The following FRMPD4 variants were observed in gnomAD, a reference collection of about 807,000 sequenced individuals.
FRMPD4 encodes the protein FERM and PDZ domain containing 4.
In FRMPD4, 22 loss-of-function variants were observed where a neutral mutation model predicts 94.1. That is an observed-to-expected ratio of 0.23 (90% CI 0.17 to 0.33). The LOEUF is 0.33. Ranked by LOEUF, FRMPD4 falls within the 10% of genes least tolerant of loss-of-function variation. The pLI, the probability that FRMPD4 is intolerant of heterozygous loss-of-function variation, is 1.00. For synonymous variants in FRMPD4, 631 were observed against 548.6 expected, an observed-to-expected ratio of 1.15 and a Z score of -2.10; for missense variants, 1,111 against 1,339.9, an observed-to-expected ratio of 0.83 and a Z score of 2.67.
At chrX:12,017,281 A>G (rs1400840963) in intron 3 of FRMPD4, among the ~76,000 whole-genome samples, 1 of 112,207 alleles carries the variant, frequency 8.9e-6, no homozygotes, top group Admixed American at 9.5e-5. Context: ...GGGACTGTTC[A>G]GGACATTTAT....
At chrX:12,220,807 A>G (rs886234411) in intron 1 of FRMPD4, among the ~76,000 whole-genome samples, 5 of 112,384 alleles carry the variant, frequency 4.4e-5, no homozygotes, top group Middle Eastern at 4.6e-3. Context: ...TTCTAACTTA[A>G]TCTTTTTCTG....
intron 3 of FRMPD4, among the ~76,000 whole-genome samples, chrX:12,133,242 T>A (rs1200395611): frequency 9.2e-6 from 1 of 108,739 alleles, no homozygotes; most frequent in Admixed American, 1.0e-4. Flanking sequence ...TATTTTATTT[T>A]ATTTTATTTT....
At chrX:12,663,933 T>G (rs916025727) in intron 4 of FRMPD4, among the ~76,000 whole-genome samples, 1 of 111,730 alleles carries the variant, frequency 9.0e-6, no homozygotes, top group African/African-American at 3.3e-5. Flanking sequence ...TTGTAAGTTG[T>G]ATTCCTAGGT....
At chrX:12,261,203 A>G (rs2054183523) in intron 1 of FRMPD4, among the ~76,000 whole-genome samples, 1 of 112,142 alleles carries the variant, frequency 8.9e-6, no homozygotes, top group Non-Finnish European at 1.9e-5. Context: ...ATCATAGATG[A>G]TAGCTCATCA....
intron 1 of FRMPD4, among the ~76,000 whole-genome samples, chrX:12,461,514 A>T (rs570882343): frequency 8.9e-6 from 1 of 111,969 alleles, no homozygotes; most frequent in Non-Finnish European, 1.9e-5. Flanking sequence ...GACGCCATCA[A>T]TGTCATAGTG....
intron 2 of FRMPD4, among the ~76,000 whole-genome samples, chrX:12,526,680 G>A (rs889287460): frequency 1.8e-5 from 2 of 112,300 alleles, no homozygotes; most frequent in African/African-American, 6.5e-5. Flanking sequence ...CATTAAAAGT[G>A]CCTTTGACAG....
At chrX:12,557,751 C>T (rs1421312507) in intron 2 of FRMPD4, among the ~76,000 whole-genome samples, 1 of 111,263 alleles carries the variant, frequency 9.0e-6, no homozygotes, top group Non-Finnish European at 1.9e-5. Flanking sequence ...GAATGCTGGA[C>T]CCCCCCTCCC....
At chrX:12,484,569 A>G (rs2057720568) in intron 1 of FRMPD4, among the ~76,000 whole-genome samples, 1 of 111,598 alleles carries the variant, frequency 9.0e-6, no homozygotes, top group Non-Finnish European at 1.9e-5. Context: ...TCATTTAGTT[A>G]CAGGTACAAT....
At chrX:12,219,902 G>C (rs2056845065) in intron 1 of FRMPD4, among the ~76,000 whole-genome samples, 1 of 112,128 alleles carries the variant, frequency 8.9e-6, no homozygotes, top group Non-Finnish European at 1.9e-5. Context: ...AGCACTTTGG[G>C]AGGCCAAGGC....
chrX:12,632,159 G>C (rs1057346964), intron 4 of FRMPD4, among the ~76,000 whole-genome samples: 2 of 112,002 alleles, frequency 1.8e-5, no homozygotes, highest in Non-Finnish European at 3.8e-5. Flanking sequence ...TAGTCTCCCT[G>C]CGTCCCCTTC....
At chrX:11,928,110 C>T (rs781298177) in intron 3 of FRMPD4, among the ~76,000 whole-genome samples, 27 of 112,281 alleles carry the variant, frequency 2.4e-4, no homozygotes, top group Admixed American at 2.0e-3. Context: ...AGACACTTTT[C>T]AAAAGAAGAC....
In FRMPD4 at chrX:11,973,562, G is replaced by GCT. The variant is rs2054351797; in HGVS notation, c.95+95550_95+95551dup. Among the ~76,000 whole-genome samples, 3 of 112,015 alleles carry GCT rather than the reference G, an allele frequency of 2.7e-5. No individual in the cohort carries two copies. The South Asian group carries it at 1.1e-3, about 41-fold the overall frequency. On this transcript the variant is annotated intron_variant, in intron 3 of 18. Coordinates refer to the FRMPD4 transcript ENST00000640291. ...TAGCTGCAAAAGTTTGAGAATCACT[G>GCT]CTCTCTCAGGAGCATATCTGGATAA... is the stretch of plus-strand genomic sequence containing the variant.
At chrX:12,230,663 G>T (rs758864886) in intron 1 of FRMPD4, among the ~76,000 whole-genome samples, 1 of 107,906 alleles carries the variant, frequency 9.3e-6, no homozygotes, top group East Asian at 2.9e-4. Flanking sequence ...CCAGGGAGAG[G>T]CCTGCATGGT....
chrX:12,350,577 A>G (rs1038387977), intron 1 of FRMPD4, among the ~76,000 whole-genome samples: 43 of 112,258 alleles, frequency 3.8e-4, no homozygotes, highest in African/African-American at 1.2e-3. Context: ...TATTTAATTA[A>G]ATTTTCAAAA....
intron 2 of FRMPD4, among the ~76,000 whole-genome samples, chrX:12,523,854 A>G (rs1289824939): frequency 9.0e-6 from 1 of 110,805 alleles, no homozygotes; most frequent in Non-Finnish European, 1.9e-5. Flanking sequence ...AATTGGGAAA[A>G]AAAAAAAAAA....
At chrX:12,109,845 G>C (rs1194681895) in intron 3 of FRMPD4, among the ~76,000 whole-genome samples, 2 of 111,550 alleles carry the variant, frequency 1.8e-5, no homozygotes, top group Non-Finnish European at 3.8e-5. Context: ...TCCTGGACAC[G>C]TACATCCTCC....
chrX:12,461,208 A>G (rs12389172), intron 1 of FRMPD4, among the ~76,000 whole-genome samples: 110 of 112,250 alleles, frequency 9.8e-4, no homozygotes, highest in African/African-American at 3.3e-3. Flanking sequence ...CTCCAAACCC[A>G]GATCCTTCGC....
At chrX:12,281,653 G>A (rs1382333556) in intron 1 of FRMPD4, among the ~76,000 whole-genome samples, 1 of 111,704 alleles carries the variant, frequency 9.0e-6, no homozygotes, top group African/African-American at 3.3e-5. Flanking sequence ...GAGATTCCAG[G>A]TGTGAGCCAC....
chrX:12,641,920 C>A (rs1455364280), intron 4 of FRMPD4, among the ~76,000 whole-genome samples: 1 of 112,150 alleles, frequency 8.9e-6, no homozygotes. Flanking sequence ...AAGACTGTAT[C>A]TATGCAGAGG....
Sources: gnomAD v4.1 joint callset for allele counts (sites outside exome capture counted in the v4.1 genomes callset) on GRCh38, gnomAD v4.1.1 for gene constraint, MANE v1.5 for transcripts, NCBI Gene and HGNC (gene_info 2026-07-23, HGNC 2026-07-21) for gene names.